Variants in TTLL10 observed in about 807,000 individuals in gnomAD.
TTLL10 encodes the protein tubulin tyrosine ligase like 10.
TTLL10 carries 61 observed loss-of-function variants against 69.0 expected under a neutral mutation model. That is an observed-to-expected ratio of 0.88 (90% CI 0.72 to 1.09). TTLL10 has a LOEUF of 1.09. TTLL10 is among the 50% of genes least tolerant of loss of function. The pLI is 0.00. For missense variants in TTLL10, 962 were observed against 945.9 expected, an observed-to-expected ratio of 1.02 and a Z score of -0.22; for synonymous variants, 408 against 393.3, an observed-to-expected ratio of 1.04 and a Z score of -0.44.
intron 3 of TTLL10, chr1:1,175,612 T>C: frequency 4.7e-6 from 2 of 427,602 alleles, no homozygotes; most frequent in South Asian, 3.4e-5. Context: ...CTGCCTCCCG[T>C]CACCCCCACA....
chr1:1,180,533 G>A lies in TTLL10; in HGVS notation c.557G>A (p.Arg186His), dbSNP rs1442215180. Residue 186 changes from arginine to histidine, a missense_variant, in exon 7 of 16, where the codon CGC becomes CAC. By Grantham distance (29) the Arg-to-His change is conservative. Coordinates refer to ENST00000379289, the MANE Select transcript of TTLL10 (RefSeq NM_001130045.2). ...GGCTGGCAGCGCATCCATGACAGCCGCCGGGACGACTACACGCTGAAGTGG... is the reference window on the plus strand; with the variant it reads ...GGCTGGCAGCGCATCCATGACAGCCACCGGGACGACTACACGCTGAAGTGG... The part of the protein sequence containing the change: ...SKGWQRIHDS[R>H]RDDYTLKWCE... 8.4e-6 allele frequency: 13 copies of A among 1,547,444 alleles called. No individual in the cohort carries two copies. The highest frequency in any genetic ancestry group is 2.4e-5 in the East Asian group (1 of 40,916).
At chr1:1,183,650 C>T (rs982292154) in intron 11 of TTLL10, among the ~76,000 whole-genome samples, 2 of 152,254 alleles carry the variant, frequency 1.3e-5, no homozygotes, top group African/African-American at 4.8e-5. Flanking sequence ...TTCCCTTCCT[C>T]TCCAAAGCCA....
chr1:1,186,801 T>G (rs1647357653), intron 13 of TTLL10, among the ~76,000 whole-genome samples: 1 of 152,092 alleles, frequency 6.6e-6, no homozygotes, highest in African/African-American at 2.4e-5. Flanking sequence ...TCAAACGCTG[T>G]GGCTGTTCTT....
At chr1:1,175,717 A>T in intron 3 of TTLL10, 2 of 457,044 alleles carry the variant, frequency 4.4e-6, no homozygotes, top group South Asian at 3.1e-5. Context: ...CAACCCTGCG[A>T]GGCTGCTGCT....
intron 13 of TTLL10, among the ~76,000 whole-genome samples, chr1:1,195,663 A>G (rs1475976034): frequency 6.7e-6 from 1 of 149,302 alleles, no homozygotes; most frequent in Non-Finnish European, 1.5e-5. Flanking sequence ...TTTTTTTTAG[A>G]CAGTCTCACT....
intron 14 of TTLL10, 73 bp downstream of exon 14, chr1:1,196,789 C>G: frequency 9.1e-7 from 1 of 1,096,562 alleles, no homozygotes; most frequent in Non-Finnish European, 1.4e-6. Context: ...ACCCTGACCA[C>G]ACTGGCAGGC....
chr1:1,192,093 G>C (rs1299040198), intron 13 of TTLL10, among the ~76,000 whole-genome samples: 4 of 152,246 alleles, frequency 2.6e-5, no homozygotes, highest in African/African-American at 9.6e-5. Context: ...TTTTGGGGGG[G>C]GGCCTGCTCC....
chr1:1,179,484 AGCT>A (rs1646974331), intron 4 of TTLL10, 151 bp downstream of exon 4: 1 of 1,272,756 alleles, frequency 7.9e-7, no homozygotes, highest in Non-Finnish European at 1.1e-6. Context: ...GAGAGGGGCC[AGCT>A]GTGGGCGCCG....
At chr1:1,187,697 G>T (rs1315057890) in intron 13 of TTLL10, among the ~76,000 whole-genome samples, 2 of 152,108 alleles carry the variant, frequency 1.3e-5, no homozygotes, top group Non-Finnish European at 2.9e-5. Context: ...CTGAGGTCAG[G>T]AGTTTGAGAC....
intron 8 of TTLL10, 98 bp downstream of exon 8, chr1:1,180,958 G>C: frequency 2.7e-6 from 3 of 1,103,662 alleles, no homozygotes; most frequent in East Asian, 6.7e-5. Context: ...CCCTGCGCCC[G>C]CCCCTGCCCT....
chr1:1,180,810 G>T lies in TTLL10; in HGVS notation c.705G>T (p.Arg235=). 6.2e-7 allele frequency: 1 copy of T among 1,602,220 alleles called. No homozygotes were observed. Residue 235 remains arginine, a synonymous_variant, in exon 8 of 16, where the codon CGG becomes CGT. Coordinates refer to ENST00000379289, the MANE Select transcript of TTLL10 (RefSeq NM_001130045.2). ...KIGLLSTLRG[R]ARAMSKASKV... Reference sequence around the variant, plus strand: ...GGCTGCTCAGCACCCTTCGGGGACGGGCACGGGCCATGAGCAAGGCCAGCA... The same window carrying T: ...GGCTGCTCAGCACCCTTCGGGGACGTGCACGGGCCATGAGCAAGGCCAGCA...
Position 1,179,341 on chromosome 1 carries a change from G to C in TTLL10, c.118+8G>C. On this transcript the variant is annotated splice_region_variant and intron_variant, in intron 4 of 15. Coordinates refer to ENST00000379289, the MANE Select transcript of TTLL10 (RefSeq NM_001130045.2). The stretch of plus-strand genomic sequence containing the variant: ...CTCGGGCTCGAGTCTCAGGTGAATA[G>C]AGCAGCCCTGGGTGGCCTCCTACCT... 1 of 1,550,628 alleles carries C rather than the reference G, an allele frequency of 6.4e-7. No homozygotes were observed.
rs1287702614 is a variant in TTLL10, at chr1:1,182,854, G to A, written c.917-22G>A. ...GGCTGGGTTGGGGGCGAGGCCAGGG[G>A]CTCAGGCCGCGCTCTCTGCAGAAAC... is the stretch of plus-strand genomic sequence containing the variant. On this transcript the variant is annotated intron_variant, in intron 10 of 15. Coordinates refer to ENST00000379289, the MANE Select transcript of TTLL10 (RefSeq NM_001130045.2). 4 of 1,541,096 alleles carry A rather than the reference G, an allele frequency of 2.6e-6. No homozygotes were observed. The South Asian group carries it at 3.7e-5, about 14-fold the overall frequency.
At chr1:1,187,609 A>G (rs1647440514) in intron 13 of TTLL10, among the ~76,000 whole-genome samples, 1 of 151,894 alleles carries the variant, frequency 6.6e-6, no homozygotes, top group Admixed American at 6.6e-5. Flanking sequence ...TAGCCTGGGC[A>G]ACAGAGCAAG....
intron 3 of TTLL10, chr1:1,175,676 G>T: frequency 2.2e-6 from 1 of 455,912 alleles, no homozygotes; most frequent in Non-Finnish European, 4.4e-6. Context: ...GTGCTGTCCT[G>T]ACATTACATG....
chr1:1,180,335 C>T lies in TTLL10; in HGVS notation c.501C>T (p.Ala167=). The T allele has an allele frequency of 6.4e-7, 1 of 1,570,330 alleles. No homozygotes were observed. The highest frequency in any genetic ancestry group is 2.4e-5 in the East Asian group (1 of 42,472). The part of the protein sequence containing the change: ...PFFYIGGSNG[A]TIISSYCKSK... The stretch of plus-strand genomic sequence containing the variant: ...TCTACATTGGAGGCAGCAACGGGGC[C>T]ACAATGTGAGTAGCGGCCCTGGGCG... Residue 167 remains alanine (A), a synonymous_variant, in exon 6 of 16, where the codon GCC becomes GCT. Coordinates refer to ENST00000379289, the MANE Select transcript of TTLL10 (RefSeq NM_001130045.2).
Position 1,181,605 on chromosome 1 carries a change from GTCCACCCAGCCACCTCCT to G in TTLL10, c.756-129_756-112del. 2 of 752,408 alleles carry G rather than the reference GTCCACCCAGCCACCTCCT, an allele frequency of 2.7e-6. No homozygotes were observed. Among genetic ancestry groups the G allele is most frequent in the South Asian group, 1.8e-5 (1 of 55,384 alleles). 46.6% of individuals were successfully genotyped at this position (752,408 alleles called of 1,614,324 possible). On this transcript the variant is annotated intron_variant, in intron 8 of 15. Transcript: ENST00000379289. This position sits in a 1 kb window ranked among gnomAD's most constrained non-coding sequence, Gnocchi z 4.6. ...ACAGCTGTTTCCCCCAGGCACCGCC[GTCCACCCAGCCACCTCCT>G]TCCACCACAACTCACAGTCCGCCCA... is the stretch of plus-strand genomic sequence containing the variant.
Position 1,183,930 on chromosome 1 carries a change from A to C in TTLL10, c.1099A>C (p.Asn367His). ...QARVVQRYIQ[N>H]PLLVDGRKFD... The stretch of plus-strand genomic sequence containing the variant: ...ACATGGTGCCCCCAGGTACATCCAG[A>C]ACCCGCTGCTGGTGGACGGGAGAAA... Residue 367 changes from asparagine to histidine, a missense_variant, in exon 12 of 16, where the codon AAC becomes CAC. Coordinates refer to ENST00000379289, the MANE Select transcript of TTLL10 (RefSeq NM_001130045.2). The C allele has an allele frequency of 6.2e-7, 1 of 1,614,164 alleles. No individual in the cohort carries two copies. The highest frequency in any genetic ancestry group is 8.5e-7 in the Non-Finnish European group (1 of 1,180,018).
chr1:1,176,094 G>T (rs762478662), intron 3 of TTLL10: 14 of 446,600 alleles, frequency 3.1e-5, no homozygotes, highest in South Asian at 2.2e-4. Context: ...TGCAGGTGGA[G>T]AGACTGCTGC....
Sources: allele counts gnomAD v4.1 joint callset (sites outside exome capture counted in the v4.1 genomes callset), GRCh38; gene constraint gnomAD v4.1.1; non-coding constraint Gnocchi (gnomAD v3.1); transcripts MANE v1.5; gene names NCBI Gene and HGNC (gene_info 2026-07-23, HGNC 2026-07-21).